NTM: variants seen among roughly 807,000 people sequenced by gnomAD.
NTM encodes neurotrimin.
NTM carries 13 observed loss-of-function variants against 42.1 expected under a neutral mutation model. The observed-to-expected ratio is 0.31, with a 90% CI of 0.20 to 0.49. The LOEUF (loss-of-function observed/expected upper bound fraction) is 0.49, where lower values mean the gene tolerates loss of function less well. NTM is among the 20% of genes least tolerant of loss of function. NTM has a pLI of 0.99. For missense variants in NTM, 373 were observed against 452.8 expected, an observed-to-expected ratio of 0.82 and a Z score of 1.60; for synonymous variants, 187 against 179.2, an observed-to-expected ratio of 1.04 and a Z score of -0.35.
intron 1 of NTM, chr11:131,540,574 G>A (rs1456710509): frequency 6.6e-6 from 1 of 152,230 alleles, no homozygotes; most frequent in Non-Finnish European, 1.5e-5. Context: ...GGAGAGGGTA[G>A]TAGGTCAATT....
Position 132,314,693 on chromosome 11 carries a change from C to G in NTM, c.924C>G (p.Ile308Met). Residue 308 changes from isoleucine to methionine, a missense_variant, in exon 7 of 9, where the codon ATC becomes ATG. Physicochemically the swap from Ile to Met is conservative, Grantham distance 10 (BLOSUM62 1). Coordinates refer to ENST00000683400, the MANE Select transcript of NTM (RefSeq NM_001352005.2). The stretch of plus-strand genomic sequence containing the variant: ...AGCTGGGCCACACCAATGCCAGCAT[C>G]ATGCTATTTGGTGAGACTGTGCTCT... ...SNKLGHTNAS[I>M]MLFEVKTTAL... The G allele has an allele frequency of 6.2e-7, 1 of 1,612,658 alleles. No homozygotes were observed.
At chr11:132,168,197 T>C (rs753084387) in intron 3 of NTM, among the ~76,000 whole-genome samples, 59 of 152,198 alleles carry the variant, frequency 3.9e-4, no homozygotes, top group Non-Finnish European at 8.2e-4. Context: ...CTTCATCTGA[T>C]GATGGGTGAG....
At chr11:131,708,637 A>T (rs529181353) in intron 1 of NTM, among the ~76,000 whole-genome samples, 1 of 152,332 alleles carries the variant, frequency 6.6e-6, no homozygotes, top group East Asian at 1.9e-4. Context: ...CAAGGGAATG[A>T]TTACACACAG....
intron 2 of NTM, among the ~76,000 whole-genome samples, chr11:131,965,264 G>A (rs73586629): frequency 6.6e-6 from 1 of 152,084 alleles, no homozygotes; most frequent in Non-Finnish European, 1.5e-5. Flanking sequence ...GCTCTGATCT[G>A]TAACCCTCCT....
intron 2 of NTM, among the ~76,000 whole-genome samples, chr11:132,134,755 A>ATCTATATCTATATC: frequency 1.2e-5 from 1 of 80,254 alleles, no homozygotes; most frequent in South Asian, 4.4e-4. Flanking sequence ...ATATATATAT[A>ATCTATATCTATATC]TATATCTCAC....
rs529738866 is a variant in NTM at position 131,632,767 on chromosome 11, C to T, written c.82+261879C>T. On this transcript the variant is annotated intron_variant, in intron 1 of 8. Transcript: ENST00000683400. ...TCCACTCACTGCAAGCTCCGCCTCC[C>T]GGGTTCACGCCATTCTCCTGCCTCA... 1.3e-3 allele frequency among the ~76,000 whole-genome samples: 185 copies of T among 146,166 alleles called. 5 individuals carry two copies. Among genetic ancestry groups the T allele is most frequent in the African/African-American group, 4.9e-3 (179 of 36,752 alleles).
intron 2 of NTM, among the ~76,000 whole-genome samples, chr11:131,941,910 T>G (rs2059833625): frequency 6.6e-6 from 1 of 152,168 alleles, no homozygotes; most frequent in South Asian, 2.1e-4. Context: ...ATCATCCATA[T>G]TAAAGAACAC....
intron 2 of NTM, among the ~76,000 whole-genome samples, chr11:132,040,720 G>A (rs540935092): frequency 3.3e-5 from 5 of 152,252 alleles, no homozygotes; most frequent in Admixed American, 6.5e-5. Context: ...AACAAAGCCC[G>A]CTCTGCTCTC....
At chr11:132,140,550 C>T (rs776140757) in intron 2 of NTM, among the ~76,000 whole-genome samples, 22 of 152,114 alleles carry the variant, frequency 1.4e-4, no homozygotes, top group Admixed American at 1.0e-3. Context: ...TGTAAACTTC[C>T]ACACAAGTTT....
rs182402270 is a variant in NTM at position 132,165,831 on chromosome 11, T to C, written c.400+19317T>C. On this transcript the variant is annotated intron_variant, in intron 3 of 8. Transcript: ENST00000683400. ...TCTTCTTTTATTTCTTTTTGGGCTC[T>C]CCTGTTTCCTTGGAAATGTTGATTT... Among the ~76,000 whole-genome samples the C allele has an allele frequency of 2.2e-3, 341 of 152,320 alleles. 1 individual carries two copies. Among genetic ancestry groups the C allele is most frequent in the African/African-American group, 8.0e-3 (331 of 41,584 alleles).
intron 3 of NTM, among the ~76,000 whole-genome samples, chr11:132,155,061 G>A (rs937203929): frequency 6.6e-6 from 1 of 152,128 alleles, no homozygotes; most frequent in African/African-American, 2.4e-5. Flanking sequence ...TTTTCACTTG[G>A]CAAGTAGTGC....
At chr11:132,100,828 A>G (rs1566159308) in intron 2 of NTM, among the ~76,000 whole-genome samples, 1 of 152,216 alleles carries the variant, frequency 6.6e-6, no homozygotes, top group Non-Finnish European at 1.5e-5. Context: ...AATGACGAGT[A>G]TCACTGTCAG....
intron 4 of NTM, among the ~76,000 whole-genome samples, chr11:132,243,558 A>G (rs1024238858): frequency 2.6e-5 from 4 of 152,166 alleles, no homozygotes; most frequent in South Asian, 4.1e-4. Flanking sequence ...TTGAAGGGGA[A>G]CAGAGAAGTA....
At chr11:131,928,718 C>T (rs1269285683) in intron 2 of NTM, among the ~76,000 whole-genome samples, 1 of 149,140 alleles carries the variant, frequency 6.7e-6, no homozygotes, top group Non-Finnish European at 1.5e-5. Context: ...TGTGGTCTCC[C>T]GTCTGTGTTT....
At chr11:131,966,228 A>G (rs1176451007) in intron 2 of NTM, among the ~76,000 whole-genome samples, 1 of 152,226 alleles carries the variant, frequency 6.6e-6, no homozygotes, top group Non-Finnish European at 1.5e-5. Context: ...CATTCATTCA[A>G]CAAATATTTA....
chr11:132,181,016 A>T (rs535422236), intron 3 of NTM, among the ~76,000 whole-genome samples: 2 of 152,240 alleles, frequency 1.3e-5, no homozygotes, highest in Non-Finnish European at 2.9e-5. Flanking sequence ...AGAATAAGTT[A>T]TACAAGTAAG....
intron 1 of NTM, chr11:131,878,194 T>A (rs1784273135): frequency 6.6e-6 from 1 of 152,186 alleles, no homozygotes; most frequent in African/African-American, 2.4e-5. Flanking sequence ...CGAAGTGGGA[T>A]TCAAAGCGAG....
chr11:131,927,319 C>G (rs2058072733), intron 2 of NTM, among the ~76,000 whole-genome samples: 1 of 152,164 alleles, frequency 6.6e-6, no homozygotes, highest in African/African-American at 2.4e-5. Context: ...AAAGTAGTTG[C>G]TTTCCTAGTT....
chr11:131,982,765 A>G (rs1370231099), intron 2 of NTM, among the ~76,000 whole-genome samples: 2 of 152,176 alleles, frequency 1.3e-5, no homozygotes, highest in African/African-American at 4.8e-5. Flanking sequence ...AAAATCTAGG[A>G]CCCTATTAAA....
Sources: gnomAD v4.1 joint callset for allele counts (sites outside exome capture counted in the v4.1 genomes callset) on GRCh38, gnomAD v4.1.1 for gene constraint, MANE v1.5 for transcripts, NCBI Gene and HGNC (gene_info 2026-07-23, HGNC 2026-07-21) for gene names.